SCD5: variants seen among roughly 807,000 people sequenced by gnomAD.
The protein encoded by SCD5 is stearoyl-CoA desaturase 5.
Under a neutral mutation model 30.4 loss-of-function variants are expected in SCD5, and 20 were observed. The ratio of observed to expected loss-of-function variants is 0.66; its 90% CI spans 0.46 to 0.96. The LOEUF (loss-of-function observed/expected upper bound fraction) is 0.96. Ranked by LOEUF, SCD5 falls within the 40% of genes least tolerant of loss-of-function variation. The probability of loss-of-function intolerance (pLI) is 0.00; values close to 1 mark genes in which losing one functional copy is unlikely to be tolerated. For missense variants in SCD5, 381 were observed against 443.3 expected (o/e 0.86, Z 1.26); for synonymous variants, 173 against 176.4 (o/e 0.98, Z 0.16).
At position 82,650,250 on chromosome 4, in the gene SCD5, G is replaced by C. The variant is rs921157896; in HGVS notation, c.570-13427C>G. On this transcript the variant is annotated intron_variant, in intron 3 of 4. Coordinates refer to ENST00000319540, the MANE Select transcript of SCD5 (RefSeq NM_001037582.3). ...TCATGAAGCTTATAGTCTAATGAGA[G>C]AGCTCTATGAGCAGATTATTTTAAT... is the stretch of plus-strand genomic sequence containing the variant. 3.3e-5 allele frequency among the ~76,000 whole-genome samples: 5 copies of C among 152,276 alleles called. No homozygotes were observed. In the East Asian group the frequency reaches 9.7e-4, roughly 29 times the overall value.
In SCD5 at chr4:82,780,868, C is replaced by T. The variant is rs116302463; in HGVS notation, c.232+17438G>A. Among the ~76,000 whole-genome samples the T allele has an allele frequency of 9.3e-3, 1,410 of 152,364 alleles. 11 individuals are homozygous for T. Among genetic ancestry groups the T allele is most frequent in the Middle Eastern group, 0.034 (10 of 294 alleles). On this transcript the variant is annotated intron_variant, in intron 1 of 4. Coordinates refer to ENST00000319540, the MANE Select transcript of SCD5 (RefSeq NM_001037582.3). ...TCTCCGGGGCCTGCTGCTTCCACAG[C>T]GTCAGGGGAGGTCCGGGCACAGGGC...
intron 1 of SCD5, among the ~76,000 whole-genome samples, chr4:82,738,315 G>A (rs112917881): frequency 0.15 from 22,091 of 152,124 alleles, 2,851 homozygotes; most frequent in African/African-American, 0.35. Context: ...CCAGCTACTC[G>A]GGAGACTGAG....
At chr4:82,649,285 T>G (rs1727697089) in intron 3 of SCD5, among the ~76,000 whole-genome samples, 1 of 151,842 alleles carries the variant, frequency 6.6e-6, no homozygotes, top group Non-Finnish European at 1.5e-5. Context: ...AATCCACATT[T>G]CAGGTATGCT....
chr4:82,669,377 A>T (rs1728259377), intron 3 of SCD5, among the ~76,000 whole-genome samples: 1 of 152,180 alleles, frequency 6.6e-6, no homozygotes, highest in African/African-American at 2.4e-5. Flanking sequence ...GTTGCCACTC[A>T]TTCTAACAAG....
chr4:82,684,775 G>A (rs1318143611), intron 2 of SCD5, among the ~76,000 whole-genome samples: 2 of 152,114 alleles, frequency 1.3e-5, no homozygotes, highest in African/African-American at 4.8e-5. Context: ...GTGTTTGCAT[G>A]GTGCTGATAG....
At chr4:82,652,295 G>A (rs1263031430) in intron 3 of SCD5, among the ~76,000 whole-genome samples, 1 of 152,180 alleles carries the variant, frequency 6.6e-6, no homozygotes, top group Non-Finnish European at 1.5e-5. Context: ...TTTTATGCAG[G>A]AGACAGCTCT....
intron 3 of SCD5, among the ~76,000 whole-genome samples, chr4:82,643,388 C>A (rs188515005): frequency 6.6e-6 from 1 of 152,064 alleles, no homozygotes; most frequent in African/African-American, 2.4e-5. Context: ...TGCTAGTCAG[C>A]CATGAAGAGG....
intron 1 of SCD5, among the ~76,000 whole-genome samples, chr4:82,743,991 A>G (rs115497555): frequency 0.019 from 2,869 of 151,914 alleles, 90 homozygotes; most frequent in African/African-American, 0.064. Context: ...ACACCTGGAT[A>G]ATTTTTCTAT....
intron 1 of SCD5, among the ~76,000 whole-genome samples, chr4:82,773,521 AC>A (rs1358965993): frequency 6.6e-6 from 1 of 152,150 alleles, no homozygotes; most frequent in Non-Finnish European, 1.5e-5. Context: ...AGCCAGCTAA[AC>A]TGAGTACCCC....
intron 1 of SCD5, among the ~76,000 whole-genome samples, chr4:82,722,668 G>C (rs1197447266): frequency 6.6e-6 from 1 of 151,574 alleles, no homozygotes; most frequent in Non-Finnish European, 1.5e-5. Flanking sequence ...GAGGAGCTGA[G>C]GCAAGAGAAT....
chr4:82,632,499 G>A (rs868753675), intron 4 of SCD5, among the ~76,000 whole-genome samples: 1 of 151,998 alleles, frequency 6.6e-6, no homozygotes, highest in Non-Finnish European at 1.5e-5. Context: ...ATAAACATAC[G>A]TGTGCATGTG....
chr4:82,784,017 G>A (rs762980491), intron 1 of SCD5, among the ~76,000 whole-genome samples: 4 of 152,134 alleles, frequency 2.6e-5, no homozygotes, highest in South Asian at 2.1e-4. Flanking sequence ...ACATACACAC[G>A]TATATAACGT....
chr4:82,743,153 T>C (rs1322033484), intron 1 of SCD5, among the ~76,000 whole-genome samples: 1 of 152,186 alleles, frequency 6.6e-6, no homozygotes, highest in Non-Finnish European at 1.5e-5. Context: ...GGGCTGGTCA[T>C]TCTAATTTCT....
At chr4:82,760,308 T>G (rs1433727024) in intron 1 of SCD5, among the ~76,000 whole-genome samples, 9 of 152,060 alleles carry the variant, frequency 5.9e-5, no homozygotes, top group African/African-American at 2.2e-4. Context: ...TCTTCTCCTT[T>G]CCCCTGAATA....
At chr4:82,636,106 A>G (rs1048298458) in intron 4 of SCD5, among the ~76,000 whole-genome samples, 1 of 152,164 alleles carries the variant, frequency 6.6e-6, no homozygotes, top group African/African-American at 2.4e-5. Context: ...TGACGTAAGC[A>G]TTGCTAGTCC....
chr4:82,633,466 A>G (rs1453858158), intron 4 of SCD5, among the ~76,000 whole-genome samples: 6 of 152,206 alleles, frequency 3.9e-5, no homozygotes, highest in African/African-American at 7.2e-5. Context: ...TCTCTTCAAC[A>G]TCCTGATTTC....
intron 1 of SCD5, among the ~76,000 whole-genome samples, chr4:82,709,840 T>A (rs1294131154): frequency 6.6e-6 from 1 of 152,196 alleles, no homozygotes; most frequent in African/African-American, 2.4e-5. Flanking sequence ...GTGAGGAACA[T>A]CCCTGCCTAA....
chr4:82,636,412 C>T (rs553668551), intron 4 of SCD5, among the ~76,000 whole-genome samples, 179 bp downstream of exon 4: 14 of 150,372 alleles, frequency 9.3e-5, no homozygotes, highest in Admixed American at 4.0e-4. Context: ...GATCGTGCCA[C>T]TGCACTCCAG....
intron 4 of SCD5, among the ~76,000 whole-genome samples, chr4:82,632,034 TTTTC>T (rs1418729214): frequency 1.3e-5 from 2 of 152,144 alleles, no homozygotes; most frequent in African/African-American, 4.8e-5. Flanking sequence ...TTCATGTAGC[TTTTC>T]TTTATTATTT....
Sources: allele counts gnomAD v4.1 joint callset (sites outside exome capture counted in the v4.1 genomes callset), GRCh38; gene constraint gnomAD v4.1.1; transcripts MANE v1.5; gene names NCBI Gene and HGNC (gene_info 2026-07-23, HGNC 2026-07-21).